Variants in CR2 observed in about 807,000 individuals in gnomAD.
The protein encoded by CR2 is complement receptor type 2.
A neutral mutation model predicts 123.0 loss-of-function variants in CR2; 96 were observed. The ratio of observed to expected loss-of-function variants is 0.78; its 90% confidence interval spans 0.66 to 0.93. CR2 has a LOEUF of 0.93. Among genes scored for constraint, CR2 ranks in the 40% least tolerant of loss-of-function variants. The pLI is 0.00. For missense variants in CR2, 1,258 were observed against 1,361.0 expected (o/e 0.92, Z 1.19); for synonymous variants, 484 against 469.5 (o/e 1.03, Z -0.40).
Position 207,469,170 on chromosome 1 carries a change from C to A in CR2, c.755C>A (p.Pro252His), listed in dbSNP as rs1485237555. The A allele has an allele frequency of 6.2e-7, 1 of 1,613,928 alleles. No individual in the cohort carries two copies. The highest frequency in any genetic ancestry group is 8.5e-7 in the Non-Finnish European group (1 of 1,179,844). ...TCCAGGTATCGACTGCAAGGCCCAC[C>A]TTCTAGTCGGTGTGTAATTGCTGGA... ...CDEGYRLQGP[P>H]SSRCVIAGQG... The change falls in exon 5 of 20, where the codon CCT (proline) becomes CAT (histidine). Residue 252 changes from proline (P) to histidine (H), a missense_variant. Pro to His is a moderately conservative substitution (Grantham distance 77, BLOSUM62 -2). Transcript: ENST00000367057.
At chr1:207,471,375 C>A (rs760248782) in intron 8 of CR2, 48 bp from the exon 9 acceptor site, 1 of 1,435,794 alleles carries the variant, frequency 7.0e-7, no homozygotes, top group Non-Finnish European at 9.8e-7. Context: ...TCTTGCCTAA[C>A]TTAATGGTCA....
intron 14 of CR2, among the ~76,000 whole-genome samples, chr1:207,475,930 A>G (rs577811555): frequency 4.4e-4 from 67 of 152,320 alleles, no homozygotes; most frequent in African/African-American, 1.5e-3. Context: ...AGGTGTAACC[A>G]TGTCTGCTAT....
At chr1:207,457,667 T>G (rs1485134360) in intron 1 of CR2, among the ~76,000 whole-genome samples, 1 of 152,222 alleles carries the variant, frequency 6.6e-6, no homozygotes. Context: ...TTAATCTTTC[T>G]CAGTCTTTCA....
intron 2 of CR2, 23 bp downstream of exon 2, chr1:207,466,935 G>T (rs757757094): frequency 6.4e-7 from 1 of 1,558,232 alleles, no homozygotes; most frequent in African/African-American, 1.4e-5. Flanking sequence ...AGAAAGCTGG[G>T]TTGGGAGGTT....
Position 207,470,029 on chromosome 1 carries a change from C to T in CR2, c.1152C>T (p.Thr384=), listed in dbSNP as rs145709085. The T allele has an allele frequency of 3.7e-4, 600 of 1,613,946 alleles. No individual in the cohort carries two copies. Among genetic ancestry groups the T allele is most frequent in the Admixed American group, 6.0e-4 (36 of 59,984 alleles). The change falls in exon 6 of 20, where the codon ACC becomes ACT. Residue 384 remains threonine, a synonymous_variant. Transcript: ENST00000367057. ...TATTTGCTTGCATGTTTGGCTTCAC[C>T]TTGAAGGGCAGCAAGCAAATCCGAT... ...TVIFACMFGF[T]LKGSKQIRCN... is the part of the protein sequence containing the mutation.
chr1:207,461,362 T>A (rs1657961164), intron 1 of CR2, among the ~76,000 whole-genome samples: 1 of 152,168 alleles, frequency 6.6e-6, no homozygotes, highest in Non-Finnish European at 1.5e-5. Context: ...TTTCTGAAAT[T>A]TTATGAAAAA....
In CR2 at chr1:207,469,682, G is replaced by A. The variant is rs775065835; in HGVS notation, c.818-13G>A. The A allele has an allele frequency of 6.2e-7, 1 of 1,612,310 alleles. No homozygotes were observed. Among genetic ancestry groups the A allele is most frequent in the South Asian group, 1.1e-5 (1 of 91,002 alleles). ...ACCTATGATCTTGTCATTTCTTTCT[G>A]CAATTCCCCTAGAAATTTTTTGCCC... On this transcript the variant is annotated splice_polypyrimidine_tract_variant and intron_variant, in intron 5 of 19. Coordinates refer to ENST00000367057, the MANE Select transcript of CR2 (RefSeq NM_001006658.3).
In CR2 at chr1:207,473,165, C is replaced by T. The variant is rs772161851; in HGVS notation, c.1964C>T (p.Pro655Leu). The T allele has an allele frequency of 9.3e-6, 15 of 1,613,574 alleles. No individual in the cohort carries two copies. Among genetic ancestry groups the T allele is most frequent in the Admixed American group, 1.7e-5 (1 of 59,960 alleles). Residue 655 changes from proline to leucine, a missense_variant, in exon 10 of 20, where the codon CCA (proline) becomes CTA (leucine). Transcript: ENST00000367057. ...GATAACACCTGGGATCCTGAAATAC[C>T]AGTTTGTGAAAAAGGTAAAAACCCA... ...KADNTWDPEI[P>L]VCEKGCQSPP...
chr1:207,472,991 T>A lies in CR2; in HGVS notation c.1790T>A (p.Leu597His). The stretch of plus-strand genomic sequence containing the variant: ...CCTGCTCCCCTGTGTAAACTTTCCC[T>A]CCTTGCTGTCCAGTGCTCACATGTC... Reference protein sequence around the residue: ...SGPAPLCKLSLLAVQCSHVHI... With the variant: ...SGPAPLCKLSHLAVQCSHVHI... The change falls in exon 10 of 20, where the codon CTC (leucine) becomes CAC (histidine). Residue 597 changes from leucine to histidine, a missense_variant. Physicochemically the swap from Leu to His is moderately conservative, Grantham distance 99. Coordinates refer to ENST00000367057, the MANE Select transcript of CR2 (RefSeq NM_001006658.3). The A allele has an allele frequency of 1.2e-6, 2 of 1,614,012 alleles. No individual in the cohort carries two copies.
chr1:207,489,858 G>A lies in CR2; in HGVS notation c.*735G>A, dbSNP rs1348497274. On this transcript the variant is annotated 3_prime_UTR_variant, in exon 20 of 20. Transcript: ENST00000367057. The stretch of plus-strand genomic sequence containing the variant: ...ATTTCACTTAATAATGTGTACATTA[G>A]TCATTCAATAAATTGTAATTGTAAA... 6.6e-6 allele frequency: 1 copy of A among 151,760 alleles called. No homozygotes were observed. The highest frequency in any genetic ancestry group is 2.4e-5 in the African/African-American group (1 of 41,324). 9.4% of individuals were successfully genotyped at this position (151,760 alleles called of 1,614,324 possible).
At chr1:207,455,305 T>C (rs1428012582) in intron 1 of CR2, among the ~76,000 whole-genome samples, 1 of 152,230 alleles carries the variant, frequency 6.6e-6, no homozygotes, top group Non-Finnish European at 1.5e-5. Context: ...ACTGGGTGAC[T>C]TTTGGCAAGT....
rs1658836169 is a variant in CR2, at chr1:207,489,650, T to G, written c.*527T>G. 1 of 152,232 alleles carries G rather than the reference T, an allele frequency of 6.6e-6. No homozygotes were observed. Among genetic ancestry groups the G allele is most frequent in the Non-Finnish European group, 1.5e-5 (1 of 68,022 alleles). The allele number at this position is 152,232 out of a possible 1,614,324, so 9.4% of individuals were successfully genotyped here. ...TTAATCATTTCATTTTTACCCTTAC[T>G]TGGTTTGAGTTTCTCTCACATTACT... On this transcript the variant is annotated 3_prime_UTR_variant, in exon 20 of 20. Coordinates refer to ENST00000367057, the MANE Select transcript of CR2 (RefSeq NM_001006658.3).
intron 1 of CR2, among the ~76,000 whole-genome samples, chr1:207,464,740 C>T (rs1169217113): frequency 6.6e-6 from 1 of 152,106 alleles, no homozygotes. Context: ...GTCAACTAAA[C>T]AGCAAACAGA....
At chr1:207,465,361 T>TA (rs1160708060) in intron 1 of CR2, among the ~76,000 whole-genome samples, 1 of 152,186 alleles carries the variant, frequency 6.6e-6, no homozygotes, top group East Asian at 1.9e-4. Context: ...GATGCTTTTT[T>TA]AAAAAAGCAG....
Position 207,469,708 on chromosome 1 carries a change from A to G in CR2, c.831A>G (p.Pro277=), listed in dbSNP as rs1370226821. The change falls in exon 6 of 20, where the codon CCA becomes CCG. Residue 277 remains proline (P), a synonymous_variant. Transcript: ENST00000367057. ...CAATTCCCCTAGAAATTTTTTGCCC[A>G]TCACCTCCCCCTATTCTCAATGGAA... ...KMPVCEEIFC[P]SPPPILNGRH... is the part of the protein sequence containing the mutation. 6 of 1,613,676 alleles carry G rather than the reference A, an allele frequency of 3.7e-6. No individual in the cohort carries two copies. In the African/African-American group the frequency reaches 4.0e-5, roughly 11 times the overall value.
chr1:207,488,383 TG>T (rs1165461583), intron 19 of CR2, among the ~76,000 whole-genome samples: 1 of 152,160 alleles, frequency 6.6e-6, no homozygotes, highest in Non-Finnish European at 1.5e-5. Flanking sequence ...CCCAGCACTT[TG>T]GGAGGCCAAG....
At chr1:207,482,928 G>A (rs1658643816) in intron 18 of CR2, among the ~76,000 whole-genome samples, 1 of 151,394 alleles carries the variant, frequency 6.6e-6, no homozygotes, top group Non-Finnish European at 1.5e-5. Context: ...AGGCGAAAGT[G>A]GCATAGCTTT....
chr1:207,469,854 C>T lies in CR2; in HGVS notation c.977C>T (p.Thr326Ile), dbSNP rs758919855. 3 of 1,614,018 alleles carry T rather than the reference C, an allele frequency of 1.9e-6. No homozygotes were observed. The highest frequency in any genetic ancestry group is 2.5e-6 in the Non-Finnish European group (3 of 1,179,962). Residue 326 changes from threonine to isoleucine, a missense_variant, in exon 6 of 20, where the codon ACA becomes ATA. Coordinates refer to ENST00000367057, the MANE Select transcript of CR2 (RefSeq NM_001006658.3). ...ATTGGAGAGAGCACTCTCCGTTGTA[C>T]AGTTGATAGTCAGAAGACTGGGACC... ...ILIGESTLRCTVDSQKTGTWS... is the reference protein window; with the variant it reads ...ILIGESTLRCIVDSQKTGTWS...
rs1572952530 is a variant in CR2 at position 207,468,543 on chromosome 1, T to A, written c.462T>A (p.Cys154Ter). The A allele has an allele frequency of 6.2e-7, 1 of 1,614,002 alleles. No homozygotes were observed. The change falls in exon 3 of 20, where the codon TGT becomes TGA. Residue 154 changes from cysteine (C) to a stop codon, truncating the protein, a stop_gained. Transcript: ENST00000367057. LOFTEE classifies it high-confidence loss of function. ...TGTGTAAAGTTTTCCCTCTCGAGTG[T>A]CCAGCACTTCCTATGATCCACAATG... Reference protein sequence around the residue: ...PTCVSVFPLECPALPMIHNGH... With the variant: ...PTCVSVFPLE
Sources: allele counts gnomAD v4.1 joint callset (sites outside exome capture counted in the v4.1 genomes callset), GRCh38; gene constraint gnomAD v4.1.1; transcripts MANE v1.5; gene names NCBI Gene and HGNC (gene_info 2026-07-23, HGNC 2026-07-21).